CDH22: variants seen among roughly 807,000 people sequenced by gnomAD.
CDH22 encodes cadherin-22.
In CDH22, 30 loss-of-function variants were observed where a neutral mutation model predicts 58.4. The observed-to-expected ratio is 0.51, with a 90% CI of 0.38 to 0.70. CDH22 has a LOEUF of 0.70. Ranked by LOEUF, CDH22 falls within the 30% of genes least tolerant of loss-of-function variation. The pLI is 0.00. For missense variants in CDH22, 1,014 were observed against 1,233.9 expected, an observed-to-expected ratio of 0.82 and a Z score of 2.67; for synonymous variants, 513 against 558.2, an observed-to-expected ratio of 0.92 and a Z score of 1.14.
At chr20:46,230,889 A>G (rs1210962707) in intron 3 of CDH22, among the ~76,000 whole-genome samples, 1 of 152,138 alleles carries the variant, frequency 6.6e-6, no homozygotes, top group Non-Finnish European at 1.5e-5. Context: ...GGTGCAGGAG[A>G]GAGGCAGGTT....
intron 8 of CDH22, among the ~76,000 whole-genome samples, chr20:46,198,189 C>G (rs984031549): frequency 6.6e-6 from 1 of 151,860 alleles, no homozygotes; most frequent in Admixed American, 6.6e-5. Flanking sequence ...CCAGTGCTCT[C>G]AGCTCCTCAC....
In CDH22 at chr20:46,251,017, G is replaced by A; in HGVS notation, c.255+23C>T. On this transcript the variant is annotated intron_variant, in intron 2 of 11. Transcript: ENST00000537909. The surrounding 1 kb of genome is among the most constrained non-coding windows in gnomAD (Gnocchi z 6.7). Reference sequence around the variant, plus strand: ...TGTCCCCAGGGTCCTGGGATCTGGAGTTGGAGTGGGGCCCCACTTTACCTT... The same window carrying A: ...TGTCCCCAGGGTCCTGGGATCTGGAATTGGAGTGGGGCCCCACTTTACCTT... The A allele has an allele frequency of 6.7e-7, 1 of 1,486,124 alleles. No individual in the cohort carries two copies. Among genetic ancestry groups the A allele is most frequent in the Non-Finnish European group, 9.4e-7 (1 of 1,066,290 alleles). The allele number at this position is 1,486,124 out of a possible 1,614,324, so 92.1% of individuals were successfully genotyped here. A position where few individuals can be genotyped will look rare whatever the true frequency, so the allele number is the denominator to read the frequency against.
intron 1 of CDH22, among the ~76,000 whole-genome samples, chr20:46,305,512 G>A (rs1210607862): frequency 6.6e-6 from 1 of 152,204 alleles, no homozygotes; most frequent in African/African-American, 2.4e-5. Context: ...GGGGAGGAAT[G>A]AGGAAGTCCT....
rs760564868 is a variant in CDH22, at chr20:46,186,822, G to A, written c.1545+4C>T. 4 of 1,600,764 alleles carry A rather than the reference G, an allele frequency of 2.5e-6. No homozygotes were observed. Among genetic ancestry groups the A allele is most frequent in the Non-Finnish European group, 8.5e-7 (1 of 1,172,716 alleles). ...ACGCCCAGTCCCCACCCCCTCAGGG[G>A]TACCTGGCCTGGCTTGGCATCCTCG... On this transcript the variant is annotated splice_donor_region_variant and intron_variant, in intron 9 of 11. Coordinates refer to ENST00000537909, the MANE Select transcript of CDH22 (RefSeq NM_021248.3).
At chr20:46,226,279 TCTTCTTCTTC>T (rs1196635041) in intron 4 of CDH22, among the ~76,000 whole-genome samples, 12 of 2,600 alleles carry the variant, frequency 4.6e-3, no homozygotes, top group African/African-American at 0.016. Flanking sequence ...TTCTTCTTCT[TCTTCTTCTTC>T]TTCTTTTTTT....
chr20:46,245,469 GT>G (rs2086321519), intron 2 of CDH22, among the ~76,000 whole-genome samples: 1 of 152,284 alleles, frequency 6.6e-6, no homozygotes, highest in Admixed American at 6.5e-5. Flanking sequence ...AGAACTCTCT[GT>G]GCCTGGCACA....
At position 46,260,587 on chromosome 20, in the gene CDH22, G is replaced by C. The variant is rs181841210; in HGVS notation, c.-399-8894C>G. Among the ~76,000 whole-genome samples, 227 of 152,358 alleles carry C rather than the reference G, an allele frequency of 1.5e-3. 1 individual carries two copies. The highest frequency in any genetic ancestry group is 1.8e-3 in the Non-Finnish European group (122 of 68,038). ...CCTGGGAGGGACTCAGGAGAGGCTT[G>C]CTCCAGACAGACTTCAGAGGCTGGT... On this transcript the variant is annotated intron_variant, in intron 1 of 11. Coordinates refer to ENST00000537909, the MANE Select transcript of CDH22 (RefSeq NM_021248.3).
In CDH22 at chr20:46,251,126, C is replaced by A; in HGVS notation, c.169G>T (p.Ala57Ser). 1 of 1,606,536 alleles carries A rather than the reference C, an allele frequency of 6.2e-7. No individual in the cohort carries two copies. Among genetic ancestry groups the A allele is most frequent in the South Asian group, 1.1e-5 (1 of 90,816 alleles). ...ACCCAGCCGCGTTTGACGCGGCCGGCTCCCAGCGCGCCGTCCTGCCGAGCT... is the reference window on the plus strand; with the variant it reads ...ACCCAGCCGCGTTTGACGCGGCCGGATCCCAGCGCGCCGTCCTGCCGAGCT... ...PGARQDGALG[A>S]GRVKRGWVWN... The change falls in exon 2 of 12, where the codon GCC (alanine) becomes TCC (serine). Residue 57 changes from alanine (A) to serine (S), a missense_variant. Ala to Ser is a moderately conservative substitution (Grantham distance 99). Coordinates refer to ENST00000537909, the MANE Select transcript of CDH22 (RefSeq NM_021248.3). This position sits in a 1 kb window ranked among gnomAD's most constrained non-coding sequence, Gnocchi z 6.7.
At chr20:46,201,505 T>C (rs1400940878) in intron 7 of CDH22, among the ~76,000 whole-genome samples, 1 of 152,210 alleles carries the variant, frequency 6.6e-6, no homozygotes, top group Non-Finnish European at 1.5e-5. Flanking sequence ...CCACTGATTC[T>C]ACCTGTGTGA....
intron 7 of CDH22, among the ~76,000 whole-genome samples, chr20:46,208,869 A>C (rs1340733652): frequency 1.3e-5 from 2 of 152,240 alleles, no homozygotes; most frequent in Non-Finnish European, 2.9e-5. Flanking sequence ...CTGGGATTAC[A>C]GGCATGAGCC....
At chr20:46,178,240 G>A (rs527357123) in intron 10 of CDH22, 43 bp from the exon 11 acceptor site, 19 of 1,588,946 alleles carry the variant, frequency 1.2e-5, no homozygotes, top group East Asian at 1.1e-4. Context: ...GGGGCCGGGG[G>A]TCAGCATCCT....
intron 4 of CDH22, chr20:46,220,601 G>A (rs2086116488): frequency 6.6e-6 from 1 of 152,416 alleles, no homozygotes; most frequent in African/African-American, 2.4e-5. Context: ...TGTATCTATG[G>A]GCTTGGGCAC....
At chr20:46,306,835 A>G (rs561253274) in intron 1 of CDH22, among the ~76,000 whole-genome samples, 26 of 152,284 alleles carry the variant, frequency 1.7e-4, no homozygotes, top group Non-Finnish European at 1.5e-5. Flanking sequence ...ACTGAGGGGG[A>G]CGGAGTGGGC....
At chr20:46,198,524 C>T (rs971524694) in intron 8 of CDH22, among the ~76,000 whole-genome samples, 1 of 152,136 alleles carries the variant, frequency 6.6e-6, no homozygotes, top group African/African-American at 2.4e-5. Context: ...GTCCTATCTC[C>T]CAAGCACTAT....
Position 46,241,066 on chromosome 20 carries a change from C to A in CDH22, c.447G>T (p.Glu149Asp). The A allele has an allele frequency of 6.2e-7, 1 of 1,614,190 alleles. No homozygotes were observed. Among genetic ancestry groups the A allele is most frequent in the Non-Finnish European group, 8.5e-7 (1 of 1,180,038 alleles). ...CCTTGATGATGAACTCCGACTCGGG[C>A]TCCAGTAGGCGGTTGGTGGCGCGAT... ...ARDRATNRLLEPESEFIIKVQ... is the reference protein window; with the variant it reads ...ARDRATNRLLDPESEFIIKVQ... Residue 149 changes from glutamate to aspartate, a missense_variant, in exon 3 of 12, where the codon GAG (glutamate) becomes GAT (aspartate). By Grantham distance (45) the Glu-to-Asp change is conservative (BLOSUM62 2). Around this residue, in one of 2 missense-constraint regions of CDH22, gnomAD observed 806 missense variants for 1,038.7 expected, o/e 0.78. Coordinates refer to ENST00000537909, the MANE Select transcript of CDH22 (RefSeq NM_021248.3). This position sits in a 1 kb window ranked among gnomAD's most constrained non-coding sequence, Gnocchi z 5.2.
chr20:46,196,748 C>T (rs1013814125), intron 8 of CDH22, among the ~76,000 whole-genome samples: 4 of 152,122 alleles, frequency 2.6e-5, no homozygotes, highest in Admixed American at 2.6e-4. Context: ...ATGGACACCC[C>T]TTAGGGGTGA....
intron 8 of CDH22, among the ~76,000 whole-genome samples, chr20:46,195,069 T>C (rs180942942): frequency 6.6e-6 from 1 of 152,232 alleles, no homozygotes; most frequent in Non-Finnish European, 1.5e-5. Flanking sequence ...GTCACAGCTA[T>C]CTGGTAAACT....
intron 1 of CDH22, among the ~76,000 whole-genome samples, chr20:46,281,731 T>C (rs1472385534): frequency 6.6e-6 from 1 of 152,210 alleles, no homozygotes; most frequent in Non-Finnish European, 1.5e-5. Context: ...GACACATCTG[T>C]CGACCCACAC....
intron 7 of CDH22, among the ~76,000 whole-genome samples, chr20:46,203,216 G>A (rs773789281): frequency 9.9e-5 from 15 of 151,946 alleles, no homozygotes; most frequent in Non-Finnish European, 1.9e-4. Context: ...GCTGAGCCCA[G>A]GTGTTTTTAT....
Sources: gnomAD v4.1 joint callset for allele counts (sites outside exome capture counted in the v4.1 genomes callset) on GRCh38, gnomAD v4.1.1 for gene constraint, gnomAD v4.1.1 regional missense constraint, Gnocchi (gnomAD v3.1) non-coding constraint, MANE v1.5 for transcripts, NCBI Gene and HGNC (gene_info 2026-07-23, HGNC 2026-07-21) for gene names.